Variants in CCDC197 observed in about 807,000 individuals in gnomAD.
CCDC197 encodes the protein coiled-coil domain containing 197.
CCDC197 carries 24 observed loss-of-function variants against 13.4 expected under a neutral mutation model. The observed-to-expected ratio is 1.80, with a 90% CI of 1.30 to 2.53. The LOEUF (loss-of-function observed/expected upper bound fraction) is 2.53. Ranked by LOEUF, CCDC197 falls within the 30% of genes most tolerant of loss-of-function variation. The pLI is 0.00. For missense variants in CCDC197, 255 were observed against 148.8 expected (o/e 1.71, Z -3.71); for synonymous variants, 99 against 55.5 (o/e 1.78, Z -3.48).
intron 6 of CCDC197, among the ~76,000 whole-genome samples, chr14:94,005,261 C>T (rs1486976251): frequency 6.6e-6 from 1 of 152,246 alleles, no homozygotes; most frequent in Non-Finnish European, 1.5e-5. Context: ...CACGCACACA[C>T]ACAGTACACA....
At chr14:94,001,355 CGTGGCCCA>C (rs1890500942) in intron 4 of CCDC197, 32 bp downstream of exon 4, 1 of 718,844 alleles carries the variant, frequency 1.4e-6, no homozygotes, top group African/African-American at 1.8e-5. Context: ...CTCCATTCCC[CGTGGCCCA>C]GGGAGCTGGG....
intron 1 of CCDC197, among the ~76,000 whole-genome samples, chr14:93,988,218 A>G (rs1890135851): frequency 4.8e-5 from 4 of 82,944 alleles, no homozygotes; most frequent in Non-Finnish European, 4.6e-5. Context: ...GGGAGAGGGG[A>G]TGAGAGAGGG....
intron 5 of CCDC197, among the ~76,000 whole-genome samples, chr14:94,004,135 C>T (rs1890614848): frequency 6.6e-6 from 1 of 152,176 alleles, no homozygotes; most frequent in Non-Finnish European, 1.5e-5. Context: ...TCCAGGGATT[C>T]CAGAATTCAG....
chr14:93,995,572 C>T (rs1001662935), upstream of CCDC197, among the ~76,000 whole-genome samples: 1 of 152,130 alleles, frequency 6.6e-6, no homozygotes, highest in Non-Finnish European at 1.5e-5. Flanking sequence ...ACTTCCGGGC[C>T]CCAATGCGGG....
chr14:93,990,685 G>A (rs1890194488), intron 1 of CCDC197, among the ~76,000 whole-genome samples: 1 of 152,194 alleles, frequency 6.6e-6, no homozygotes, highest in Non-Finnish European at 1.5e-5. Context: ...TGCACATTGG[G>A]GTGGGTGAGC....
chr14:94,000,443 T>G (rs542087883), intron 3 of CCDC197, among the ~76,000 whole-genome samples: 8 of 152,098 alleles, frequency 5.3e-5, no homozygotes, highest in Non-Finnish European at 8.8e-5. Flanking sequence ...AACTCTGCCT[T>G]GGAGATCAGG....
intron 1 of CCDC197, among the ~76,000 whole-genome samples, chr14:93,988,107 G>A (rs1376053169): frequency 1.7e-5 from 2 of 119,642 alleles, no homozygotes; most frequent in Admixed American, 8.1e-5. Flanking sequence ...GGGGTGGAAG[G>A]AGGGGTGAAG....
At chr14:93,994,587 T>C (rs1890252991), upstream of CCDC197, among the ~76,000 whole-genome samples, 1 of 152,240 alleles carries the variant, frequency 6.6e-6, no homozygotes, top group Non-Finnish European at 1.5e-5. Flanking sequence ...CTGTGTGTTC[T>C]CTCAGTGCCT....
upstream of CCDC197, among the ~76,000 whole-genome samples, chr14:93,993,613 G>T (rs773780402): frequency 2.2e-4 from 33 of 152,238 alleles, no homozygotes; most frequent in Non-Finnish European, 4.0e-4. Flanking sequence ...GGGGCATTTG[G>T]GGCTGTAGAG....
intron 1 of CCDC197, among the ~76,000 whole-genome samples, chr14:93,991,060 G>A (rs889316714): frequency 6.6e-5 from 10 of 152,144 alleles, no homozygotes; most frequent in African/African-American, 2.2e-4. Flanking sequence ...GCTGAAGCAC[G>A]ACTCTATCAA....
rs1432401252 is a variant in CCDC197, at chr14:94,004,848, C to T, written c.499-7C>T. 3 of 702,710 alleles carry T rather than the reference C, an allele frequency of 4.3e-6. No individual in the cohort carries two copies. Among genetic ancestry groups the T allele is most frequent in the Non-Finnish European group, 7.8e-6 (3 of 384,854 alleles). 43.5% of individuals were successfully genotyped at this position (702,710 alleles called of 1,614,324 possible). ...GAGCCACCACCTCCTCCTTCTCTTT[C>T]CTGCAGGATCAGCTGCTCGGCTACA... is the stretch of plus-strand genomic sequence containing the variant. On this transcript the variant is annotated splice_polypyrimidine_tract_variant and splice_region_variant and intron_variant, in intron 5 of 6. Coordinates refer to ENST00000636493, the MANE Select transcript of CCDC197 (RefSeq NM_001351596.2).
intron 3 of CCDC197, chr14:94,000,884 G>T: frequency 2.7e-6 from 1 of 375,848 alleles, no homozygotes; most frequent in South Asian, 7.3e-5. Context: ...TCGCTCGGTG[G>T]TCTTGATCCA....
downstream of CCDC197, chr14:94,008,993 G>A: frequency 1.8e-6 from 1 of 554,588 alleles, no homozygotes; most frequent in Non-Finnish European, 3.2e-6. Context: ...GATTGGCAGG[G>A]ATCCAGGTAA....
chr14:94,010,289 C>T (rs1392473084), downstream of CCDC197, among the ~76,000 whole-genome samples: 3 of 152,168 alleles, frequency 2.0e-5, no homozygotes, highest in Non-Finnish European at 4.4e-5. Context: ...CTGCAACCTC[C>T]ACCTCCCGGG....
chr14:93,998,101 G>C lies in CCDC197; in HGVS notation c.-31G>C, dbSNP rs575996829. 1 of 780,190 alleles carries C rather than the reference G, an allele frequency of 1.3e-6. No individual in the cohort carries two copies. The highest frequency in any genetic ancestry group is 2.4e-5 in the East Asian group (1 of 41,244). The allele number at this position is 780,190 out of a possible 1,614,324, so 48.3% of individuals were successfully genotyped here. A position where few individuals can be genotyped will look rare whatever the true frequency, so the allele number is the denominator to read the frequency against. On this transcript the variant is annotated 5_prime_UTR_variant, in exon 2 of 7. Coordinates refer to ENST00000636493, the MANE Select transcript of CCDC197 (RefSeq NM_001351596.2). ...ATCCTGCCTGACTCACGGGTCTCCT[G>C]TCCTCCTGCATAGCTTGCGGTGGTG...
In CCDC197 at chr14:93,999,614, C is replaced by CACAAGCTTTTTGAAGA. The variant is rs1173489812; in HGVS notation, c.137_152dup (p.Asp51GlufsTer5). The CACAAGCTTTTTGAAGA allele has an allele frequency of 1.3e-6, 1 of 781,058 alleles. No individual in the cohort carries two copies. The highest frequency in any genetic ancestry group is 2.4e-6 in the Non-Finnish European group (1 of 418,138). The allele number at this position is 781,058 out of a possible 1,614,324, so 48.4% of individuals were successfully genotyped here. The stretch of plus-strand genomic sequence containing the variant: ...GAAGCTCAAGAGAGAAGTCGAGAAG[C>CACAAGCTTTTTGAAGA]ACAAGCTTTTTGAAGACTATCTGAT... On this transcript the variant is annotated frameshift_variant, in exon 3 of 7. Transcript: ENST00000636493. LOFTEE classifies it high-confidence loss of function.
chr14:93,999,700 T>C, intron 3 of CCDC197, 35 bp downstream of exon 3: 1 of 779,922 alleles, frequency 1.3e-6, no homozygotes, highest in Non-Finnish European at 2.4e-6. Context: ...GCCCTTTCTC[T>C]CCACAGCCAC....
rs909412246 is a variant in CCDC197, at chr14:94,008,647, C to T, written c.654C>T (p.Ile218=). 52 of 702,930 alleles carry T rather than the reference C, an allele frequency of 7.4e-5. No homozygotes were observed. Among genetic ancestry groups the T allele is most frequent in the African/African-American group, 1.9e-4 (11 of 57,260 alleles). 43.5% of individuals were successfully genotyped at this position (702,930 alleles called of 1,614,324 possible). A position where few individuals can be genotyped will look rare whatever the true frequency, so the allele number is the denominator to read the frequency against. Residue 218 remains isoleucine, a synonymous_variant, in exon 7 of 7, where the codon ATC becomes ATT. Coordinates refer to ENST00000636493, the MANE Select transcript of CCDC197 (RefSeq NM_001351596.2). The part of the protein sequence containing the change: ...MLDKMETVRL[I]ALLTEPKVCW... ...ACAAAATGGAGACTGTAAGACTGAT[C>T]GCACTGCTCACGGAACCCAAAGTGT...
At chr14:94,000,910 T>C in intron 3 of CCDC197, 2 of 387,362 alleles carry the variant, frequency 5.2e-6, no homozygotes, top group East Asian at 4.6e-5. Flanking sequence ...CCTGTCTCAG[T>C]CTCTGGCTGA....
Sources: allele counts gnomAD v4.1 joint callset (sites outside exome capture counted in the v4.1 genomes callset), GRCh38; gene constraint gnomAD v4.1.1; transcripts MANE v1.5; gene names NCBI Gene and HGNC (gene_info 2026-07-23, HGNC 2026-07-21).